The following ENOX1 variants were observed in gnomAD, a reference collection of about 807,000 sequenced individuals.
ENOX1 encodes the protein candidate growth-related and time keeping constitutive hydroquinone (NADH) oxidase.
Under a neutral mutation model 82.5 loss-of-function variants are expected in ENOX1, and 42 were observed. The observed-to-expected ratio is 0.51, with a 90% confidence interval of 0.40 to 0.66. ENOX1 has a LOEUF of 0.66. Ranked by LOEUF, ENOX1 falls within the 30% of genes least tolerant of loss-of-function variation. The probability of loss-of-function intolerance (pLI) is 0.00; values close to 1 mark genes in which losing one functional copy is unlikely to be tolerated. For missense variants in ENOX1, 608 were observed against 811.6 expected (o/e 0.75, Z 3.05); for synonymous variants, 271 against 282.2 (o/e 0.96, Z 0.40).
At chr13:43,741,378 C>T (rs552242681) in intron 1 of ENOX1, among the ~76,000 whole-genome samples, 4 of 152,236 alleles carry the variant, frequency 2.6e-5, no homozygotes, top group South Asian at 2.1e-4. Context: ...TCACTGCGCC[C>T]GCCTGAACCT....
chr13:43,591,725 G>A (rs2081254624), intron 2 of ENOX1, among the ~76,000 whole-genome samples: 1 of 152,146 alleles, frequency 6.6e-6, no homozygotes, highest in African/African-American at 2.4e-5. Flanking sequence ...GCAAACCCCA[G>A]GGAAAACTGG....
chr13:43,478,030 G>A (rs4942231), intron 3 of ENOX1, among the ~76,000 whole-genome samples: 64,452 of 146,264 alleles, frequency 0.44, 14,498 homozygotes, highest in Non-Finnish European at 0.5. Context: ...TAATTCTTAG[G>A]ATTAATGGCA....
intron 3 of ENOX1, among the ~76,000 whole-genome samples, chr13:43,413,269 C>G (rs2054245565): frequency 6.6e-6 from 1 of 152,186 alleles, no homozygotes; most frequent in Non-Finnish European, 1.5e-5. Context: ...TTGCTTCCTA[C>G]TGAAGCACCT....
chr13:43,215,791 G>GCC (rs1700574060), intron 16 of ENOX1, among the ~76,000 whole-genome samples: 1 of 152,186 alleles, frequency 6.6e-6, no homozygotes, highest in Non-Finnish European at 1.5e-5. Flanking sequence ...AGATCCCCCA[G>GCC]CCAGCCTCTT....
At chr13:43,399,702 C>T (rs1053234356) in intron 5 of ENOX1, among the ~76,000 whole-genome samples, 3 of 152,194 alleles carry the variant, frequency 2.0e-5, no homozygotes, top group African/African-American at 7.2e-5. Flanking sequence ...GTTTACGCAG[C>T]TAAGGGAACA....
intron 2 of ENOX1, among the ~76,000 whole-genome samples, chr13:43,519,275 T>G (rs1228533331): frequency 6.6e-6 from 1 of 152,180 alleles, no homozygotes; most frequent in Non-Finnish European, 1.5e-5. Context: ...GAATACATGC[T>G]TGTGTTTCTC....
chr13:43,730,773 T>C (rs2089293605), intron 1 of ENOX1, among the ~76,000 whole-genome samples: 1 of 152,154 alleles, frequency 6.6e-6, no homozygotes, highest in Non-Finnish European at 1.5e-5. Context: ...TACTTGCAGC[T>C]CCCTGCAATG....
At chr13:43,438,334 T>C (rs547873225) in intron 3 of ENOX1, among the ~76,000 whole-genome samples, 14 of 152,146 alleles carry the variant, frequency 9.2e-5, no homozygotes, top group African/African-American at 3.4e-4. Context: ...GATGAGGCAG[T>C]GGCAGCGGAG....
intron 2 of ENOX1, among the ~76,000 whole-genome samples, chr13:43,614,869 T>C (rs2082341929): frequency 6.6e-6 from 1 of 152,172 alleles, no homozygotes; most frequent in Non-Finnish European, 1.5e-5. Context: ...CAAGGCATCA[T>C]GTGAGAACTT....
intron 1 of ENOX1, among the ~76,000 whole-genome samples, chr13:43,764,417 G>A (rs1181705605): frequency 6.6e-6 from 1 of 152,136 alleles, no homozygotes; most frequent in African/African-American, 2.4e-5. Context: ...GCACAACCAG[G>A]AGCCAGGATA....
intron 1 of ENOX1, among the ~76,000 whole-genome samples, chr13:43,707,353 C>A (rs2087365244): frequency 6.6e-6 from 1 of 152,020 alleles, no homozygotes; most frequent in African/African-American, 2.4e-5. Context: ...CAATGCCATC[C>A]CAATGAAAAT....
At chr13:43,590,881 A>C (rs1352008887) in intron 2 of ENOX1, among the ~76,000 whole-genome samples, 3 of 152,176 alleles carry the variant, frequency 2.0e-5, no homozygotes, top group African/African-American at 7.2e-5. Flanking sequence ...AAGAGGAAAC[A>C]TAAGTGGTCA....
At position 43,299,698 on chromosome 13, in the gene ENOX1, A is replaced by G. The variant is rs144480303; in HGVS notation, c.1262-1168T>C. Among the ~76,000 whole-genome samples the G allele has an allele frequency of 5.9e-5, 9 of 152,144 alleles. No homozygotes were observed. The East Asian group carries it at 1.7e-3, about 29-fold the overall frequency. ...CAACTCTCCCACCACTCTCCCTTTA[A>G]TCTTCCCCCTCACAGAAAAGCCATT... On this transcript the variant is annotated intron_variant, in intron 11 of 16. Transcript: ENST00000690772.
intron 1 of ENOX1, among the ~76,000 whole-genome samples, chr13:43,765,657 G>A (rs1951219602): frequency 6.6e-6 from 1 of 152,146 alleles, no homozygotes. Context: ...ACATTAGGAA[G>A]CACTCAGTAA....
rs1221669551 is a variant in ENOX1, at chr13:43,460,814, AAAAAAAAAAAAAAAAAT to A, written c.-75+23178_-75+23194del. ...ATCTCAAAAAAAAAAAAAAAAAAAA[AAAAAAAAAAAAAAAAAT>A]AGGGATAGCTCTCTACAAACCAAGG... On this transcript the variant is annotated intron_variant, in intron 3 of 16. Transcript: ENST00000690772. 2.2e-3 allele frequency among the ~76,000 whole-genome samples: 204 copies of A among 94,666 alleles called. 21 individuals are homozygous for A. The East Asian group carries it at 0.029, about 13-fold the overall frequency. The allele number at this position is 94,666 out of a possible 152,430, so 62.1% of individuals were successfully genotyped here.
At chr13:43,638,978 A>G (rs776921924) in intron 2 of ENOX1, among the ~76,000 whole-genome samples, 1 of 152,210 alleles carries the variant, frequency 6.6e-6, no homozygotes, top group African/African-American at 2.4e-5. Context: ...CAGAATTGGC[A>G]TGAATATTAG....
At chr13:43,338,234 C>T (rs1245193346) in intron 9 of ENOX1, among the ~76,000 whole-genome samples, 1 of 152,160 alleles carries the variant, frequency 6.6e-6, no homozygotes, top group Non-Finnish European at 1.5e-5. Flanking sequence ...ATAAACAGCT[C>T]CTGTACGAGC....
chr13:43,228,027 C>T (rs2042105346), intron 15 of ENOX1, among the ~76,000 whole-genome samples: 1 of 151,496 alleles, frequency 6.6e-6, no homozygotes, highest in South Asian at 2.1e-4. Flanking sequence ...TGTTTCTAGG[C>T]CCTGTGATTT....
intron 2 of ENOX1, among the ~76,000 whole-genome samples, chr13:43,564,428 T>A (rs1053854443): frequency 6.6e-6 from 1 of 151,822 alleles, no homozygotes; most frequent in African/African-American, 2.4e-5. Flanking sequence ...AATAAAAAAC[T>A]ATAATAAACA....
Sources: allele counts gnomAD v4.1 joint callset (sites outside exome capture counted in the v4.1 genomes callset), GRCh38; gene constraint gnomAD v4.1.1; transcripts MANE v1.5; gene names NCBI Gene and HGNC (gene_info 2026-07-23, HGNC 2026-07-21).